Variants in ATP2B2 observed in about 807,000 individuals in gnomAD.
ATP2B2 encodes plasma membrane calcium-transporting ATPase 2.
ATP2B2 carries 15 observed loss-of-function variants against 120.0 expected under a neutral mutation model. That is an observed-to-expected ratio of 0.12 (90% confidence interval 0.08 to 0.19). The LOEUF (loss-of-function observed/expected upper bound fraction) is 0.19, where lower values mean the gene tolerates loss of function less well. Ranked by LOEUF, ATP2B2 falls within the 10% of genes least tolerant of loss-of-function variation. The probability of loss-of-function intolerance (pLI) is 1.00; values close to 1 mark genes in which losing one functional copy is unlikely to be tolerated. For synonymous variants in ATP2B2, 694 were observed against 700.3 expected, an observed-to-expected ratio of 0.99 and a Z score of 0.14; for missense variants, 1,045 against 1,719.8, an observed-to-expected ratio of 0.61 and a Z score of 6.94.
At chr3:10,698,502 G>T (rs2071772154) in intron 1 of ATP2B2, among the ~76,000 whole-genome samples, 1 of 152,178 alleles carries the variant, frequency 6.6e-6, no homozygotes, top group Non-Finnish European at 1.5e-5. Flanking sequence ...AGGCTCCCTG[G>T]CTCAACAGTT....
At chr3:10,410,587 G>C (rs773796875) in intron 3 of ATP2B2, 31 bp downstream of exon 3, 36 of 1,576,220 alleles carry the variant, frequency 2.3e-5, no homozygotes, top group Admixed American at 1.9e-4. Context: ...CAGGTGTGCG[G>C]GGCGGTTCGT....
chr3:10,403,692 G>C (rs1293621636), intron 3 of ATP2B2, among the ~76,000 whole-genome samples: 1 of 152,218 alleles, frequency 6.6e-6, no homozygotes, highest in Non-Finnish European at 1.5e-5. Context: ...CCCTCCACGG[G>C]GGCCAGGTGG....
At chr3:10,414,985 G>A (rs2062732823) in intron 2 of ATP2B2, among the ~76,000 whole-genome samples, 1 of 152,160 alleles carries the variant, frequency 6.6e-6, no homozygotes, top group Non-Finnish European at 1.5e-5. Context: ...GCTCACATGG[G>A]GCCTCTGAGA....
chr3:10,431,232 T>C (rs4684693), intron 2 of ATP2B2, among the ~76,000 whole-genome samples: 31,634 of 152,148 alleles, frequency 0.21, 3,689 homozygotes, highest in Admixed American at 0.29. Context: ...GCGGCAGTGT[T>C]TGAGAGGACT....
chr3:10,366,756 G>A (rs1188900866), intron 12 of ATP2B2, among the ~76,000 whole-genome samples: 4 of 152,186 alleles, frequency 2.6e-5, no homozygotes, highest in African/African-American at 9.7e-5. Context: ...CTCAGCTGTG[G>A]CTCGGAGGAG....
At chr3:10,491,477 T>C (rs1392770577) in intron 1 of ATP2B2, among the ~76,000 whole-genome samples, 1 of 152,174 alleles carries the variant, frequency 6.6e-6, no homozygotes, top group Non-Finnish European at 1.5e-5. Flanking sequence ...CTGCCCACCT[T>C]GGCCTCCCAA....
intron 3 of ATP2B2, among the ~76,000 whole-genome samples, chr3:10,528,066 G>T (rs2067136212): frequency 6.6e-6 from 1 of 152,170 alleles, no homozygotes; most frequent in Non-Finnish European, 1.5e-5. Context: ...CAACATGGGT[G>T]GCGGGCATAA....
chr3:10,350,608 G>A (rs1282412025), intron 14 of ATP2B2, 31 bp from the exon 15 acceptor site: 1 of 1,603,834 alleles, frequency 6.2e-7, no homozygotes, highest in Non-Finnish European at 8.5e-7. Context: ...CATGGGGGAG[G>A]GCACCACCTC....
chr3:10,328,552 G>T lies in ATP2B2; in HGVS notation c.*262C>A. Reference sequence around the variant, plus strand: ...CCATGTCTGGGTGGGAGCCAGGAAGGGCTTGTTTTGGGAAAACCGCTCACT... The same window carrying T: ...CCATGTCTGGGTGGGAGCCAGGAAGTGCTTGTTTTGGGAAAACCGCTCACT... On this transcript the variant is annotated 3_prime_UTR_variant, in exon 23 of 23. Coordinates refer to ENST00000360273, the MANE Select transcript of ATP2B2 (RefSeq NM_001001331.4). The T allele has an allele frequency of 2.2e-6, 1 of 462,650 alleles. No individual in the cohort carries two copies. Among genetic ancestry groups the T allele is most frequent in the Non-Finnish European group, 3.9e-6 (1 of 258,494 alleles). The allele number at this position is 462,650 out of a possible 1,614,324, so 28.7% of individuals were successfully genotyped here. A position where few individuals can be genotyped will look rare whatever the true frequency, so the allele number is the denominator to read the frequency against.
Position 10,371,821 on chromosome 3 carries a change from G to A in ATP2B2, c.1647C>T (p.Thr549=), listed in dbSNP as rs1242290302. 4 of 1,614,050 alleles carry A rather than the reference G, an allele frequency of 2.5e-6. No individual in the cohort carries two copies. Among genetic ancestry groups the A allele is most frequent in the Non-Finnish European group, 2.5e-6 (3 of 1,180,042 alleles). The change falls in exon 12 of 23, where the codon ACC becomes ACT. Residue 549 remains threonine (T), a synonymous_variant. Transcript: ENST00000360273. The part of the protein sequence containing the change: ...INAIAINSAY[T]TKILPPEKEG... ...GGTCCACACTTACCAGAATCTTGGTGGTGTAGGCGCTGTTGATGGCGATGG... is the reference window on the plus strand; with the variant it reads ...GGTCCACACTTACCAGAATCTTGGTAGTGTAGGCGCTGTTGATGGCGATGG...
chr3:10,363,996 T>A (rs1057467186), intron 12 of ATP2B2, among the ~76,000 whole-genome samples: 10 of 152,234 alleles, frequency 6.6e-5, no homozygotes, highest in Non-Finnish European at 1.2e-4. Context: ...CATCAACAGA[T>A]GAATGGATAA....
At chr3:10,505,703 CCG>C (rs2066600583), upstream of ATP2B2, 1 of 132,854 alleles carries the variant, frequency 7.5e-6, no homozygotes, top group Non-Finnish European at 1.6e-5. Context: ...CCTGCCGCTG[CCG>C]GAGGCTGGGG....
At position 10,635,158 on chromosome 3, in the gene ATP2B2, T is replaced by C. The variant is rs1344237105; in HGVS notation, c.-459-15197A>G. ...GTGAGGATATGGAAAGTGTCACTAC[T>C]CAGCTCAAGGTTGCCTGAGCTTCCA... On this transcript the variant is annotated intron_variant, in intron 1 of 21. Coordinates refer to the ATP2B2 transcript ENST00000646379. The surrounding 1 kb of genome is among the most constrained non-coding windows in gnomAD (Gnocchi z 4.3). Among the ~76,000 whole-genome samples, 1 of 152,116 alleles carries C rather than the reference T, an allele frequency of 6.6e-6. No homozygotes were observed. The highest frequency in any genetic ancestry group is 2.4e-5 in the African/African-American group (1 of 41,426).
intron 13 of ATP2B2, 30 bp from the exon 14 acceptor site, chr3:10,358,955 C>T (rs755775783): frequency 1.3e-5 from 21 of 1,605,680 alleles, no homozygotes; most frequent in Non-Finnish European, 1.8e-5. Context: ...AGATGGGGAG[C>T]CCAGGGAATG....
At chr3:10,697,369 A>G (rs2071756821) in intron 1 of ATP2B2, among the ~76,000 whole-genome samples, 1 of 152,180 alleles carries the variant, frequency 6.6e-6, no homozygotes, top group Non-Finnish European at 1.5e-5. Context: ...ACTTTGGGCA[A>G]GCAACCTCAC....
At chr3:10,430,360 T>C (rs895027259) in intron 2 of ATP2B2, among the ~76,000 whole-genome samples, 1 of 152,188 alleles carries the variant, frequency 6.6e-6, no homozygotes, top group African/African-American at 2.4e-5. Context: ...CCAGATGCCA[T>C]TAAGAACATT....
chr3:10,627,295 T>C (rs1329321558), intron 1 of ATP2B2, among the ~76,000 whole-genome samples: 2 of 152,182 alleles, frequency 1.3e-5, no homozygotes, highest in African/African-American at 2.4e-5. Flanking sequence ...ATGGGCTCCA[T>C]CTCGCTCTGC....
At chr3:10,364,714 GA>G (rs895709086) in intron 12 of ATP2B2, among the ~76,000 whole-genome samples, 6 of 150,992 alleles carry the variant, frequency 4.0e-5, no homozygotes, top group Non-Finnish European at 7.4e-5. Flanking sequence ...CCATCTTGGG[GA>G]AAAAAAATAA....
At position 10,434,490 on chromosome 3, in the gene ATP2B2, T is replaced by C. The variant is rs572617640; in HGVS notation, c.199+14855A>G. On this transcript the variant is annotated intron_variant, in intron 2 of 22. Coordinates refer to ENST00000360273, the MANE Select transcript of ATP2B2 (RefSeq NM_001001331.4). The stretch of plus-strand genomic sequence containing the variant: ...TATTTAAGTTTACTCTGGCCATAAA[T>C]GGGAGAGGAAGAAAAAAGGGAGGGG... Among the ~76,000 whole-genome samples, 3 of 152,316 alleles carry C rather than the reference T, an allele frequency of 2.0e-5. No homozygotes were observed. The East Asian group carries it at 5.8e-4, about 29-fold the overall frequency.
Sources: gnomAD v4.1 joint callset for allele counts (sites outside exome capture counted in the v4.1 genomes callset) on GRCh38, gnomAD v4.1.1 for gene constraint, Gnocchi (gnomAD v3.1) non-coding constraint, MANE v1.5 for transcripts, NCBI Gene and HGNC (gene_info 2026-07-23, HGNC 2026-07-21) for gene names.